MCTP2: variants seen among roughly 807,000 people sequenced by gnomAD.
MCTP2 encodes the protein multiple C2 and transmembrane domain containing 2.
Under a neutral mutation model 111.6 loss-of-function variants are expected in MCTP2, and 132 were observed. That is an observed-to-expected ratio of 1.18 (90% CI 1.03 to 1.37). MCTP2 has a LOEUF of 1.37. Among genes scored for constraint, MCTP2 ranks in the 40% most tolerant of loss-of-function variants. The pLI is 0.00. For synonymous variants in MCTP2, 395 were observed against 387.7 expected, an observed-to-expected ratio of 1.02 and a Z score of -0.22; for missense variants, 1,183 against 1,067.9, an observed-to-expected ratio of 1.11 and a Z score of -1.50.
At chr15:94,274,777 T>C (rs1390014279) in intron 1 of MCTP2, among the ~76,000 whole-genome samples, 1 of 152,144 alleles carries the variant, frequency 6.6e-6, no homozygotes, top group Non-Finnish European at 1.5e-5. Flanking sequence ...TACTGATGCA[T>C]CCTTTTAAAA....
chr15:94,424,896 A>G (rs910520781), intron 17 of MCTP2, among the ~76,000 whole-genome samples: 1 of 149,988 alleles, frequency 6.7e-6, no homozygotes, highest in Non-Finnish European at 1.5e-5. Context: ...CTCCCCCTAC[A>G]TTTTTTTTTG....
At chr15:94,366,372 G>C (rs1412522703) in intron 10 of MCTP2, among the ~76,000 whole-genome samples, 1 of 152,112 alleles carries the variant, frequency 6.6e-6, no homozygotes, top group African/African-American at 2.4e-5. Context: ...TTAATTATAT[G>C]GACACATATT....
At chr15:94,352,239 C>G (rs1369845669) in intron 8 of MCTP2, among the ~76,000 whole-genome samples, 1 of 152,202 alleles carries the variant, frequency 6.6e-6, no homozygotes, top group East Asian at 1.9e-4. Context: ...AAGTTTCTCC[C>G]CTTCCTGCCT....
At chr15:94,382,825 C>T (rs1442326130) in intron 12 of MCTP2, among the ~76,000 whole-genome samples, 3 of 152,270 alleles carry the variant, frequency 2.0e-5, no homozygotes, top group South Asian at 4.1e-4. Context: ...GTGCTGCAGA[C>T]GCCGGCAATG....
chr15:94,326,611 A>C (rs965723053), intron 4 of MCTP2, among the ~76,000 whole-genome samples: 13 of 151,470 alleles, frequency 8.6e-5, no homozygotes, highest in African/African-American at 2.9e-4. Flanking sequence ...TCTGTCACCC[A>C]GGCTGGAGTG....
rs369514029 is a variant in MCTP2, at chr15:94,244,474, CTA to C, written c.-66+12812_-66+12813del. 9.0e-4 allele frequency among the ~76,000 whole-genome samples: 129 copies of C among 142,550 alleles called. 2 individuals carry two copies. In the East Asian group the frequency reaches 0.022, roughly 25 times the overall value. The allele number at this position is 142,550 out of a possible 152,430, so 93.5% of individuals were successfully genotyped here. A position where few individuals can be genotyped will look rare whatever the true frequency, so the allele number is the denominator to read the frequency against. On this transcript the variant is annotated intron_variant, in intron 1 of 22. Transcript: ENST00000357742. Reference sequence around the variant, plus strand: ...TATATGTATACACATACATATGCACCTATGTTTATATACGTATATGTATACAC... The same window carrying C: ...TATATGTATACACATACATATGCACCTGTTTATATACGTATATGTATACAC...
In MCTP2 at chr15:94,326,871, C is replaced by T. The variant is rs965754127; in HGVS notation, c.637+11234C>T. On this transcript the variant is annotated intron_variant, in intron 4 of 22. Coordinates refer to ENST00000357742, the MANE Select transcript of MCTP2 (RefSeq NM_001385001.1). The stretch of plus-strand genomic sequence containing the variant: ...TGCTGGGATTACAGGCATTAGCCAC[C>T]GTGCCTAGCCATATCTTTGTTAATT... Among the ~76,000 whole-genome samples the T allele has an allele frequency of 3.4e-5, 5 of 146,956 alleles. No individual in the cohort carries two copies. In the East Asian group the frequency reaches 1.0e-3, roughly 30 times the overall value.
At chr15:94,239,329 C>T (rs181132098) in intron 1 of MCTP2, among the ~76,000 whole-genome samples, 190 of 152,274 alleles carry the variant, frequency 1.2e-3, no homozygotes, top group African/African-American at 4.5e-3. Context: ...TCAGCTGTTC[C>T]ACCTCCAGTT....
At chr15:94,330,872 C>T (rs894012849) in intron 4 of MCTP2, among the ~76,000 whole-genome samples, 1 of 150,468 alleles carries the variant, frequency 6.6e-6, no homozygotes, top group Non-Finnish European at 1.5e-5. Context: ...GTAGCTGGGA[C>T]AAAAGCTGCG....
intron 2 of MCTP2, among the ~76,000 whole-genome samples, chr15:94,312,133 C>A (rs1019983438): frequency 6.6e-6 from 1 of 152,174 alleles, no homozygotes; most frequent in East Asian, 1.9e-4. Flanking sequence ...ATTTTTCAGG[C>A]TTCAGAGCAT....
chr15:94,310,199 G>C (rs2076061972), intron 2 of MCTP2, among the ~76,000 whole-genome samples: 1 of 152,188 alleles, frequency 6.6e-6, no homozygotes, highest in South Asian at 2.1e-4. Flanking sequence ...TTGGGTAAAA[G>C]ATTCCAGTCT....
At chr15:94,325,124 A>C (rs1013773960) in intron 4 of MCTP2, among the ~76,000 whole-genome samples, 1 of 152,048 alleles carries the variant, frequency 6.6e-6, no homozygotes, top group Non-Finnish European at 1.5e-5. Context: ...AGAGTGCTGG[A>C]TGGTGGGTGA....
chr15:94,464,278 T>TAA (rs1297979380), intron 20 of MCTP2, among the ~76,000 whole-genome samples: 1 of 78,040 alleles, frequency 1.3e-5, no homozygotes, highest in East Asian at 2.8e-4. Flanking sequence ...TATATATATA[T>TAA]AAACGTCAGC....
chr15:94,339,426 T>G lies in MCTP2; in HGVS notation c.774T>G (p.Arg258=). Reference sequence around the variant, plus strand: ...TCCAAAGCCTTGATCAAAAGCTACGTGTGAAGGTAATCACAGATAGCTTTC... The same window carrying G: ...TCCAAAGCCTTGATCAAAAGCTACGGGTGAAGGTAATCACAGATAGCTTTC... ...LPIQSLDQKL[R]VKVYDRDLTT... Residue 258 remains arginine, a synonymous_variant, in exon 5 of 23, where the codon CGT becomes CGG. Transcript: ENST00000357742. 1 of 1,595,338 alleles carries G rather than the reference T, an allele frequency of 6.3e-7. No homozygotes were observed. Among genetic ancestry groups the G allele is most frequent in the Non-Finnish European group, 8.5e-7 (1 of 1,173,320 alleles).
intron 19 of MCTP2, among the ~76,000 whole-genome samples, chr15:94,457,762 G>C (rs1203853152): frequency 6.6e-6 from 1 of 152,222 alleles, no homozygotes; most frequent in East Asian, 1.9e-4. Flanking sequence ...TGATAGGAGA[G>C]GAGTAGGGTG....
chr15:94,290,179 C>T (rs778340430), intron 1 of MCTP2, among the ~76,000 whole-genome samples: 19 of 152,058 alleles, frequency 1.2e-4, no homozygotes, highest in South Asian at 4.1e-4. Flanking sequence ...TTCTTGTCAG[C>T]GCTTTGATTT....
Position 94,481,566 on chromosome 15 carries a change from G to GC in MCTP2, c.*2537dup, listed in dbSNP as rs1465819875. The GC allele has an allele frequency of 6.6e-6, 1 of 152,224 alleles. No homozygotes were observed. Among genetic ancestry groups the GC allele is most frequent in the African/African-American group, 2.4e-5 (1 of 41,436 alleles). The allele number at this position is 152,224 out of a possible 1,614,324, so 9.4% of individuals were successfully genotyped here. ...ATCTTCATTCAGACTGGAAGGACCT[G>GC]CCCCCAGTTGTTTCTTTCTGAATAG... On this transcript the variant is annotated 3_prime_UTR_variant, in exon 23 of 23. Coordinates refer to ENST00000357742, the MANE Select transcript of MCTP2 (RefSeq NM_001385001.1).
intron 12 of MCTP2, among the ~76,000 whole-genome samples, chr15:94,378,488 A>G (rs1213794121): frequency 1.3e-5 from 2 of 152,206 alleles, no homozygotes; most frequent in Non-Finnish European, 2.9e-5. Context: ...TGATTGCACC[A>G]TTGCACTCCA....
intron 19 of MCTP2, among the ~76,000 whole-genome samples, chr15:94,455,704 C>A (rs541670798): frequency 1.3e-5 from 2 of 152,158 alleles, no homozygotes; most frequent in Non-Finnish European, 2.9e-5. Flanking sequence ...GGCTTACAGG[C>A]GTGAGCCACC....
Sources: gnomAD v4.1 joint callset for allele counts (sites outside exome capture counted in the v4.1 genomes callset) on GRCh38, gnomAD v4.1.1 for gene constraint, MANE v1.5 for transcripts, NCBI Gene and HGNC (gene_info 2026-07-23, HGNC 2026-07-21) for gene names.